The following MGAT4C variants were observed in gnomAD, a reference collection of about 807,000 sequenced individuals.
MGAT4C encodes the protein alpha-1,3-mannosyl-glycoprotein 4-beta-N-acetylglucosaminyltransferase C.
In MGAT4C, 19 loss-of-function variants were observed where a neutral mutation model predicts 40.1. That is an observed-to-expected ratio of 0.47 (90% CI 0.33 to 0.70). The LOEUF is 0.70. Ranked by LOEUF, MGAT4C falls within the 30% of genes least tolerant of loss-of-function variation. MGAT4C has a pLI of 0.02. For synonymous variants in MGAT4C, 181 were observed against 187.1 expected (o/e 0.97, Z 0.27); for missense variants, 491 against 563.2 (o/e 0.87, Z 1.30).
At chr12:86,713,940 G>A (rs1176239572) in intron 2 of MGAT4C, among the ~76,000 whole-genome samples, 2 of 151,856 alleles carry the variant, frequency 1.3e-5, no homozygotes, top group South Asian at 4.1e-4. Flanking sequence ...ATGTAGACAG[G>A]TATGCTAGAA....
intron 4 of MGAT4C, among the ~76,000 whole-genome samples, chr12:86,315,265 A>C (rs1472603286): frequency 6.6e-6 from 1 of 152,174 alleles, no homozygotes; most frequent in Non-Finnish European, 1.5e-5. Flanking sequence ...TAAATGGGAA[A>C]GCACTCCTGA....
At chr12:86,104,765 C>T (rs1422116257) in intron 1 of MGAT4C, among the ~76,000 whole-genome samples, 1 of 152,120 alleles carries the variant, frequency 6.6e-6, no homozygotes, top group African/African-American at 2.4e-5. Context: ...ATAACCTTTC[C>T]ATTAATGCAG....
At chr12:86,215,576 T>C (rs904821316) in intron 1 of MGAT4C, among the ~76,000 whole-genome samples, 1 of 152,174 alleles carries the variant, frequency 6.6e-6, no homozygotes, top group African/African-American at 2.4e-5. Context: ...AATGATGAGC[T>C]GTAACCAATC....
chr12:86,388,444 G>C (rs1051491620), intron 3 of MGAT4C, among the ~76,000 whole-genome samples: 1 of 151,986 alleles, frequency 6.6e-6, no homozygotes, highest in Non-Finnish European at 1.5e-5. Context: ...ATGTAAAGAA[G>C]CATTGATAAC....
chr12:86,606,249 G>A (rs1340242448), intron 2 of MGAT4C, among the ~76,000 whole-genome samples: 6 of 152,048 alleles, frequency 3.9e-5, no homozygotes, highest in Non-Finnish European at 8.8e-5. Context: ...AACCGTATCA[G>A]CAACTATATA....
intron 1 of MGAT4C, among the ~76,000 whole-genome samples, chr12:86,227,622 C>A (rs1050221063): frequency 1.3e-5 from 2 of 151,874 alleles, no homozygotes; most frequent in African/African-American, 4.8e-5. Flanking sequence ...TAATATATTG[C>A]CCTAATTGCC....
chr12:86,796,147 T>C (rs911412720), intron 1 of MGAT4C, among the ~76,000 whole-genome samples: 3 of 151,674 alleles, frequency 2.0e-5, no homozygotes, highest in Non-Finnish European at 4.4e-5. Context: ...TGACTTGTTT[T>C]TTTTTTTTCA....
intron 4 of MGAT4C, among the ~76,000 whole-genome samples, chr12:86,265,079 G>C (rs1952751825): frequency 6.6e-6 from 1 of 152,162 alleles, no homozygotes; most frequent in Non-Finnish European, 1.5e-5. Context: ...GCCGGCACCC[G>C]TGCGGGCACC....
At chr12:86,346,181 G>A (rs943587820) in intron 3 of MGAT4C, among the ~76,000 whole-genome samples, 1 of 152,068 alleles carries the variant, frequency 6.6e-6, no homozygotes, top group African/African-American at 2.4e-5. Flanking sequence ...CCTATCATTT[G>A]CTATACAAAT....
chr12:86,109,269 C>A (rs1876782067), intron 1 of MGAT4C, among the ~76,000 whole-genome samples: 1 of 152,064 alleles, frequency 6.6e-6, no homozygotes, highest in Non-Finnish European at 1.5e-5. Context: ...AATAGGTCTC[C>A]TCTTTTTGTG....
intron 2 of MGAT4C, chr12:86,011,700 CT>C: frequency 6.2e-6 from 2 of 324,460 alleles, no homozygotes; most frequent in Non-Finnish European, 8.9e-6. Context: ...ACATTAGTAA[CT>C]TAGGGTCCCA....
At position 86,225,094 on chromosome 12, in the gene MGAT4C, A is replaced by C. The variant is rs935518486; in HGVS notation, c.-57+31145T>G. Among the ~76,000 whole-genome samples, 15 of 147,122 alleles carry C rather than the reference A, an allele frequency of 1.0e-4. 1 individual carries two copies. Among genetic ancestry groups the C allele is most frequent in the African/African-American group, 3.6e-4 (15 of 41,096 alleles). ...GAAAATAAAATCAGAAATGAAAAAAAGAGATTTTATAACTGACAAAAAGAG... is the reference window on the plus strand; with the variant it reads ...GAAAATAAAATCAGAAATGAAAAAACGAGATTTTATAACTGACAAAAAGAG... On this transcript the variant is annotated intron_variant, in intron 1 of 4. Transcript: ENST00000611864.
At chr12:86,763,789 G>A (rs1016834655) in intron 1 of MGAT4C, among the ~76,000 whole-genome samples, 10 of 152,190 alleles carry the variant, frequency 6.6e-5, no homozygotes, top group African/African-American at 2.4e-4. Context: ...TCTATAATTG[G>A]TAGTTAAAAT....
intron 2 of MGAT4C, among the ~76,000 whole-genome samples, chr12:86,040,026 C>A (rs1891647012): frequency 6.6e-6 from 1 of 152,194 alleles, no homozygotes; most frequent in Non-Finnish European, 1.5e-5. Context: ...CCACTGCAGA[C>A]CCTGTTTGCC....
chr12:86,718,301 A>G (rs998292223), intron 2 of MGAT4C, among the ~76,000 whole-genome samples: 1 of 152,210 alleles, frequency 6.6e-6, no homozygotes, highest in African/African-American at 2.4e-5. Flanking sequence ...CTGTTGTGGT[A>G]TAAAAGCCCC....
intron 2 of MGAT4C, chr12:86,495,148 A>C (rs1958215008): frequency 6.6e-6 from 1 of 152,108 alleles, no homozygotes; most frequent in South Asian, 2.1e-4. Context: ...ATTTATTTGC[A>C]TATCAATAGG....
At chr12:86,103,853 A>G (rs978243085) in intron 1 of MGAT4C, among the ~76,000 whole-genome samples, 11 of 152,106 alleles carry the variant, frequency 7.2e-5, no homozygotes, top group African/African-American at 2.7e-4. Flanking sequence ...TCTTTCATTT[A>G]TTGTTGCATC....
chr12:86,345,809 G>A (rs1484477660), intron 3 of MGAT4C, among the ~76,000 whole-genome samples: 2 of 152,194 alleles, frequency 1.3e-5, no homozygotes, highest in Admixed American at 1.3e-4. Flanking sequence ...TCTAGTTCTA[G>A]ATCCCTGAGG....
chr12:86,821,129 A>G (rs1163625135), intron 1 of MGAT4C, among the ~76,000 whole-genome samples: 1 of 150,960 alleles, frequency 6.6e-6, no homozygotes, highest in Non-Finnish European at 1.5e-5. Context: ...CTTAGTCATT[A>G]AAGAATGAGT....
Sources: allele counts gnomAD v4.1 joint callset (sites outside exome capture counted in the v4.1 genomes callset), GRCh38; gene constraint gnomAD v4.1.1; transcripts MANE v1.5; gene names NCBI Gene and HGNC (gene_info 2026-07-23, HGNC 2026-07-21).